Variants in CNKSR3 observed in about 807,000 individuals in gnomAD.
The protein encoded by CNKSR3 is connector enhancer of kinase suppressor of ras 3.
Under a neutral mutation model 67.7 loss-of-function variants are expected in CNKSR3, and 36 were observed. The ratio of observed to expected loss-of-function variants is 0.53; its 90% CI spans 0.41 to 0.70. The LOEUF is 0.70. Among genes scored for constraint, CNKSR3 ranks in the 30% least tolerant of loss-of-function variants. CNKSR3 has a pLI of 0.00. For missense variants in CNKSR3, 630 were observed against 695.2 expected, an observed-to-expected ratio of 0.91 and a Z score of 1.05; for synonymous variants, 281 against 271.4, an observed-to-expected ratio of 1.04 and a Z score of -0.35.
chr6:154,394,614 T>TAAAAAAAAAAAAAAAAAAAAAAAAAA lies in CNKSR3; in HGVS notation c.*11739_*11740insTTTTTTTTTTTTTTTTTTTTTTTTTT, dbSNP rs67203207. The TAAAAAAAAAAAAAAAAAAAAAAAAAA allele has an allele frequency of 3.0e-5, 2 of 67,778 alleles. No homozygotes were observed. The highest frequency in any genetic ancestry group is 6.6e-5 in the Non-Finnish European group (2 of 30,076). The allele number at this position is 67,778 out of a possible 1,614,324, so 4.2% of individuals were successfully genotyped here. A position where few individuals can be genotyped will look rare whatever the true frequency, so the allele number is the denominator to read the frequency against. ...TATAGCATGAGCCTAATACAAGAAG[T>TAAAAAAAAAAAAAAAAAAAAAAAAAA]AAAAAAAAAAAAAAAAAAAAAGAAG... On this transcript the variant is annotated 3_prime_UTR_variant, in exon 13 of 13. Coordinates refer to ENST00000607772, the MANE Select transcript of CNKSR3 (RefSeq NM_173515.4).
chr6:154,505,865 G>A (rs1003818571), intron 1 of CNKSR3, among the ~76,000 whole-genome samples: 3 of 152,138 alleles, frequency 2.0e-5, no homozygotes, highest in African/African-American at 7.2e-5. Context: ...GGACAGTTCT[G>A]CTGGGACAAC....
At chr6:154,468,593 G>A (rs569724986) in intron 1 of CNKSR3, among the ~76,000 whole-genome samples, 16 of 152,008 alleles carry the variant, frequency 1.1e-4, no homozygotes, top group African/African-American at 3.1e-4. Context: ...CATCTGCACC[G>A]TAGAATTAGG....
intron 12 of CNKSR3, among the ~76,000 whole-genome samples, chr6:154,409,766 G>A (rs1784869379): frequency 6.6e-6 from 1 of 151,972 alleles, no homozygotes; most frequent in African/African-American, 2.4e-5. Context: ...ACTATTGGCT[G>A]GGTATGGTGG....
intron 6 of CNKSR3, among the ~76,000 whole-genome samples, chr6:154,429,265 T>C (rs1190018201): frequency 6.6e-6 from 1 of 152,212 alleles, no homozygotes; most frequent in Non-Finnish European, 1.5e-5. Context: ...GAAATTATGC[T>C]GCACCCAGCC....
At chr6:154,467,920 C>T (rs781222127) in intron 1 of CNKSR3, among the ~76,000 whole-genome samples, 3 of 151,702 alleles carry the variant, frequency 2.0e-5, no homozygotes, top group Middle Eastern at 3.4e-3. Context: ...CTACCACGCC[C>T]GGCTAATTTT....
chr6:154,387,764 G>A lies in CNKSR3; in HGVS notation c.*18590C>T, dbSNP rs1051040108. 18 of 152,082 alleles carry A rather than the reference G, an allele frequency of 1.2e-4. No homozygotes were observed. The highest frequency in any genetic ancestry group is 4.3e-4 in the African/African-American group (18 of 41,496). 9.4% of individuals were successfully genotyped at this position (152,082 alleles called of 1,614,324 possible). A position where few individuals can be genotyped will look rare whatever the true frequency, so the allele number is the denominator to read the frequency against. On this transcript the variant is annotated 3_prime_UTR_variant, in exon 13 of 13. Coordinates refer to ENST00000607772, the MANE Select transcript of CNKSR3 (RefSeq NM_173515.4). ...ATATTCAATGCTTTTTGAAAAATCA[G>A]GCCTTATTTAAAAAGAAAAATGTTC...
chr6:154,484,399 A>ATTT (rs1055404429), intron 1 of CNKSR3, among the ~76,000 whole-genome samples: 11 of 152,174 alleles, frequency 7.2e-5, no homozygotes, highest in Admixed American at 3.3e-4. Flanking sequence ...CATACCCAGT[A>ATTT]TTTGTTCACT....
At chr6:154,464,223 G>C (rs1226661106) in intron 1 of CNKSR3, among the ~76,000 whole-genome samples, 3 of 152,204 alleles carry the variant, frequency 2.0e-5, no homozygotes, top group East Asian at 3.9e-4. Flanking sequence ...CTGACTGTTA[G>C]GGTGGAGGGT....
intron 1 of CNKSR3, among the ~76,000 whole-genome samples, chr6:154,467,736 T>TACAA (rs1459286216): frequency 7.2e-4 from 92 of 128,366 alleles, no homozygotes; most frequent in African/African-American, 3.0e-3. Context: ...TTAGACCCAT[T>TACAA]ATAAATATAT....
At chr6:154,428,972 G>T (rs1016948193) in intron 6 of CNKSR3, among the ~76,000 whole-genome samples, 2 of 152,138 alleles carry the variant, frequency 1.3e-5, no homozygotes, top group Admixed American at 6.5e-5. Flanking sequence ...ACAAAGCATA[G>T]GTAGCAAATT....
rs924290912 is a variant in CNKSR3 at position 154,403,074 on chromosome 6, G to A, written c.*3280C>T. The A allele has an allele frequency of 6.6e-6, 1 of 152,150 alleles. No individual in the cohort carries two copies. Among genetic ancestry groups the A allele is most frequent in the Non-Finnish European group, 1.5e-5 (1 of 68,036 alleles). The allele number at this position is 152,150 out of a possible 1,614,324, so 9.4% of individuals were successfully genotyped here. A position where few individuals can be genotyped will look rare whatever the true frequency, so the allele number is the denominator to read the frequency against. On this transcript the variant is annotated 3_prime_UTR_variant, in exon 13 of 13. Transcript: ENST00000607772. The stretch of plus-strand genomic sequence containing the variant: ...GTGATGTTTTTATGAGTGAAGGTAA[G>A]CTTCATCATCCATGATTTTCATTTG...
intron 2 of CNKSR3, among the ~76,000 whole-genome samples, chr6:154,449,827 G>A (rs905117454): frequency 2.0e-5 from 3 of 152,204 alleles, no homozygotes; most frequent in East Asian, 1.9e-4. Flanking sequence ...TCACAAACAC[G>A]TAAGTGAATG....
intron 1 of CNKSR3, among the ~76,000 whole-genome samples, chr6:154,461,291 T>C (rs754205488): frequency 4.6e-5 from 7 of 152,042 alleles, no homozygotes; most frequent in Non-Finnish European, 1.0e-4. Context: ...AGGTGGTCAA[T>C]GAAGAAATAA....
intron 8 of CNKSR3, 88 bp downstream of exon 8, chr6:154,422,827 C>T (rs949226968): frequency 4.2e-5 from 52 of 1,249,838 alleles, no homozygotes; most frequent in South Asian, 3.1e-4. Flanking sequence ...AGGATATAAG[C>T]GGCAAATTTT....
chr6:154,497,315 C>T (rs1786899756), intron 1 of CNKSR3, among the ~76,000 whole-genome samples: 2 of 152,044 alleles, frequency 1.3e-5, no homozygotes, highest in Non-Finnish European at 2.9e-5. Flanking sequence ...CTCTTGAGCC[C>T]CGGAGGTCAA....
At chr6:154,464,108 A>C (rs967821849) in intron 1 of CNKSR3, among the ~76,000 whole-genome samples, 1 of 152,198 alleles carries the variant, frequency 6.6e-6, no homozygotes, top group Non-Finnish European at 1.5e-5. Flanking sequence ...AAGAACTGTA[A>C]AGCACTGTTA....
At chr6:154,410,210 G>A in intron 12 of CNKSR3, 133 bp downstream of exon 12, 4 of 592,412 alleles carry the variant, frequency 6.8e-6, no homozygotes, top group Non-Finnish European at 9.0e-6. Context: ...TTTTACAGAT[G>A]AGAAAACGGG....
chr6:154,420,560 G>A (rs982294274), intron 9 of CNKSR3, among the ~76,000 whole-genome samples: 2 of 150,246 alleles, frequency 1.3e-5, no homozygotes, highest in Non-Finnish European at 3.0e-5. Context: ...GTAGTGGCGG[G>A]TGCCTGTAGT....
At chr6:154,451,501 ATG>A (rs1224227667) in intron 1 of CNKSR3, among the ~76,000 whole-genome samples, 24 of 14,448 alleles carry the variant, frequency 1.7e-3, no homozygotes, top group African/African-American at 9.0e-3. Context: ...ACACGCATAC[ATG>A]CACACACACG....
Sources: allele counts gnomAD v4.1 joint callset (sites outside exome capture counted in the v4.1 genomes callset), GRCh38; gene constraint gnomAD v4.1.1; transcripts MANE v1.5; gene names NCBI Gene and HGNC (gene_info 2026-07-23, HGNC 2026-07-21).